The following NIM1K variants were observed in gnomAD, a reference collection of about 807,000 sequenced individuals.
NIM1K encodes the protein serine/threonine-protein kinase NIM1.
Under a neutral mutation model 37.1 loss-of-function variants are expected in NIM1K, and 35 were observed. That is an observed-to-expected ratio of 0.94 (90% CI 0.72 to 1.25). NIM1K has a LOEUF of 1.25. Ranked by LOEUF, NIM1K falls within the 50% of genes most tolerant of loss-of-function variation. The pLI, the probability that NIM1K is intolerant of heterozygous loss-of-function variation, is 0.00. For missense variants in NIM1K, 564 were observed against 548.0 expected (o/e 1.03, Z -0.29); for synonymous variants, 234 against 206.6 (o/e 1.13, Z -1.14).
intron 1 of NIM1K, among the ~76,000 whole-genome samples, chr5:43,227,422 G>T (rs1488271548): frequency 1.3e-5 from 2 of 152,034 alleles, no homozygotes; most frequent in Non-Finnish European, 2.9e-5. Context: ...TTGGCACATA[G>T]TAAGCACTTG....
At position 43,258,555 on chromosome 5, in the gene NIM1K, C is replaced by T. The variant is rs368178640; in HGVS notation, c.292+12488C>T. Among the ~76,000 whole-genome samples the T allele has an allele frequency of 5.5e-4, 84 of 152,070 alleles. No homozygotes were observed. The South Asian group carries it at 0.017, about 30-fold the overall frequency. On this transcript the variant is annotated intron_variant, in intron 2 of 3. Coordinates refer to ENST00000326035, the MANE Select transcript of NIM1K (RefSeq NM_153361.4). ...TTTCTGTATTTGAGTGATCCTCCAA[C>T]CTCAGCCTCTGGAGTAGCTGGAACC...
At chr5:43,241,686 ATTGT>A (rs1287362712) in intron 1 of NIM1K, among the ~76,000 whole-genome samples, 1 of 151,802 alleles carries the variant, frequency 6.6e-6, no homozygotes, top group African/African-American at 2.4e-5. Flanking sequence ...TACTTAGAAA[ATTGT>A]TTATTTTTTA....
intron 1 of NIM1K, chr5:43,192,958 C>T (rs13186549): frequency 0.097 from 14,723 of 152,302 alleles, 840 homozygotes; most frequent in East Asian, 0.19. Context: ...AGAGAACTGA[C>T]ATCTAACGCA....
At chr5:43,278,813 G>A (rs1387627997) in intron 3 of NIM1K, among the ~76,000 whole-genome samples, 2 of 152,196 alleles carry the variant, frequency 1.3e-5, no homozygotes, top group Admixed American at 6.5e-5. Context: ...GGGAAGGAGA[G>A]GAGGAAGAAA....
chr5:43,223,725 T>C (rs1229001433), intron 1 of NIM1K, among the ~76,000 whole-genome samples: 1 of 152,212 alleles, frequency 6.6e-6, no homozygotes, highest in Admixed American at 6.5e-5. Context: ...GAAAATCTGA[T>C]AGGTGGGAAA....
intron 1 of NIM1K, among the ~76,000 whole-genome samples, chr5:43,211,835 A>G (rs1752209308): frequency 6.6e-6 from 1 of 151,684 alleles, no homozygotes; most frequent in Non-Finnish European, 1.5e-5. Flanking sequence ...GGTTTGCTGG[A>G]GAATAAAATT....
chr5:43,245,837 G>A lies in NIM1K; in HGVS notation c.62G>A (p.Arg21Gln), dbSNP rs144641529. The A allele has an allele frequency of 3.2e-5, 52 of 1,613,690 alleles. No individual in the cohort carries two copies. Among genetic ancestry groups the A allele is most frequent in the South Asian group, 9.9e-5 (9 of 91,052 alleles). Residue 21 changes from arginine (R) to glutamine (Q), a missense_variant, in exon 2 of 4, where the codon CGG (arginine) becomes CAG (glutamine). Coordinates refer to ENST00000326035, the MANE Select transcript of NIM1K (RefSeq NM_153361.4). ...AACCCCCACTATGCCCGGTGGGATC[G>A]GCGCGACAGTGTAGAAAGTGGCTGT... Reference protein sequence around the residue: ...LVNPHYARWDRRDSVESGCQT... With the variant: ...LVNPHYARWDQRDSVESGCQT...
chr5:43,240,768 C>T (rs1225938922), intron 1 of NIM1K, among the ~76,000 whole-genome samples: 1 of 151,796 alleles, frequency 6.6e-6, no homozygotes, highest in African/African-American at 2.4e-5. Flanking sequence ...AACTCCTGAC[C>T]TCAAATGATC....
intron 1 of NIM1K, among the ~76,000 whole-genome samples, chr5:43,225,260 C>CAAAAAAAAAAAAAAAA (rs10555794): frequency 1.4e-5 from 1 of 72,674 alleles, no homozygotes; most frequent in Non-Finnish European, 2.5e-5. Context: ...ACCCTCTTTC[C>CAAAAAAAAAAAAAAAA]AAAAAAAAAA....
At chr5:43,196,179 C>A (rs1285067001) in intron 1 of NIM1K, among the ~76,000 whole-genome samples, 5 of 152,102 alleles carry the variant, frequency 3.3e-5, no homozygotes, top group Admixed American at 2.0e-4. Flanking sequence ...CATCAAGAAG[C>A]TTTCTGTGTC....
rs778560862 is a variant in NIM1K at position 43,251,391 on chromosome 5, G to A, written c.292+5324G>A. 2.0e-5 allele frequency among the ~76,000 whole-genome samples: 3 copies of A among 152,246 alleles called. No individual in the cohort carries two copies. In the East Asian group the frequency reaches 5.8e-4, roughly 29 times the overall value. ...CAGTGCTATTTAAGGCTGTTTCCAC[G>A]CCCTAAAATCATTTCAACCTCATGA... On this transcript the variant is annotated intron_variant, in intron 2 of 3. Transcript: ENST00000326035.
chr5:43,194,702 A>G (rs1751887660), intron 1 of NIM1K: 1 of 152,202 alleles, frequency 6.6e-6, no homozygotes, highest in Non-Finnish European at 1.5e-5. Context: ...TGAGCTTCAA[A>G]TTCTAACATT....
chr5:43,243,312 A>G (rs1250170741), intron 1 of NIM1K, among the ~76,000 whole-genome samples: 4 of 152,208 alleles, frequency 2.6e-5, no homozygotes, highest in African/African-American at 4.8e-5. Context: ...ACTTCATTCT[A>G]GTCTGTCATA....
intron 1 of NIM1K, among the ~76,000 whole-genome samples, chr5:43,236,196 T>C (rs1342203130): frequency 2.0e-5 from 3 of 151,882 alleles, no homozygotes; most frequent in Non-Finnish European, 4.4e-5. Flanking sequence ...AGCAATGGGA[T>C]ATCAAGGCTG....
intron 2 of NIM1K, among the ~76,000 whole-genome samples, chr5:43,273,767 T>C (rs936938565): frequency 6.6e-6 from 1 of 152,184 alleles, no homozygotes; most frequent in Non-Finnish European, 1.5e-5. Flanking sequence ...ATGAGGCCTC[T>C]CTCCTCACTT....
intron 1 of NIM1K, among the ~76,000 whole-genome samples, chr5:43,208,267 A>G (rs1752147203): frequency 6.6e-6 from 1 of 152,050 alleles, no homozygotes; most frequent in Non-Finnish European, 1.5e-5. Context: ...AAAAATGAAT[A>G]GGAATTGCTT....
chr5:43,251,413 A>T (rs1352669482), intron 2 of NIM1K, among the ~76,000 whole-genome samples: 2 of 152,186 alleles, frequency 1.3e-5, no homozygotes, highest in African/African-American at 4.8e-5. Context: ...TTTCAACCTC[A>T]TGAGTCTTAA....
intron 2 of NIM1K, among the ~76,000 whole-genome samples, chr5:43,255,570 G>A (rs1272835900): frequency 6.6e-6 from 1 of 152,088 alleles, no homozygotes; most frequent in Non-Finnish European, 1.5e-5. Context: ...CCGACATGGT[G>A]AAACCACAAT....
chr5:43,194,790 G>A (rs897592025), intron 1 of NIM1K: 2 of 152,006 alleles, frequency 1.3e-5, no homozygotes, highest in African/African-American at 4.8e-5. Context: ...TAGAGACTGG[G>A]TCTCGCCATG....
Sources: allele counts gnomAD v4.1 joint callset (sites outside exome capture counted in the v4.1 genomes callset), GRCh38; gene constraint gnomAD v4.1.1; transcripts MANE v1.5; gene names NCBI Gene and HGNC (gene_info 2026-07-23, HGNC 2026-07-21).